HECW2: variants seen among roughly 807,000 people sequenced by gnomAD.
The protein encoded by HECW2 is E3 ubiquitin-protein ligase HECW2.
Under a neutral mutation model 175.2 loss-of-function variants are expected in HECW2, and 61 were observed. That is an observed-to-expected ratio of 0.35 (90% CI 0.28 to 0.43). The LOEUF is 0.43. HECW2 is among the 20% of genes least tolerant of loss of function. The probability of loss-of-function intolerance (pLI) is 1.00; values close to 1 mark genes in which losing one functional copy is unlikely to be tolerated. For synonymous variants in HECW2, 671 were observed against 731.0 expected, an observed-to-expected ratio of 0.92 and a Z score of 1.32; for missense variants, 1,524 against 2,000.5, an observed-to-expected ratio of 0.76 and a Z score of 4.54.
chr2:196,246,934 G>A (rs953930069), intron 19 of HECW2, among the ~76,000 whole-genome samples: 1 of 152,140 alleles, frequency 6.6e-6, no homozygotes, highest in Non-Finnish European at 1.5e-5. Context: ...GTTCCATCAT[G>A]AAAGAAGTCA....
rs189316520 is a variant in HECW2 at position 196,238,269 on chromosome 2, C to T, written c.3764+2180G>A. Among the ~76,000 whole-genome samples the T allele has an allele frequency of 1.4e-4, 22 of 152,126 alleles. No individual in the cohort carries two copies. The East Asian group carries it at 1.7e-3, about 12-fold the overall frequency. On this transcript the variant is annotated intron_variant, in intron 21 of 28. Coordinates refer to ENST00000644978, the MANE Select transcript of HECW2 (RefSeq NM_001348768.2). ...ACAAAACAAAAAAACAGAAAACCTC[C>T]AGCTCCATTTTTATAGTTCAATGGA...
At chr2:196,391,937 T>C (rs1387229326) in intron 2 of HECW2, among the ~76,000 whole-genome samples, 1 of 152,184 alleles carries the variant, frequency 6.6e-6, no homozygotes, top group Non-Finnish European at 1.5e-5. Flanking sequence ...CTCTGTGTCT[T>C]TCTCTTATCC....
intron 2 of HECW2, among the ~76,000 whole-genome samples, chr2:196,385,761 T>C (rs1030338098): frequency 6.6e-6 from 1 of 152,226 alleles, no homozygotes; most frequent in African/African-American, 2.4e-5. Flanking sequence ...TAAATGCAAA[T>C]ATAACTTGTC....
intron 1 of HECW2, among the ~76,000 whole-genome samples, chr2:196,552,361 T>C (rs888844020): frequency 6.6e-6 from 1 of 152,204 alleles, no homozygotes; most frequent in African/African-American, 2.4e-5. Context: ...TTCTAAGTTT[T>C]CTCCTGGAAG....
rs1260355252 is a variant in HECW2 at position 196,197,100 on chromosome 2, A to G, written c.*4177T>C. On this transcript the variant is annotated 3_prime_UTR_variant, in exon 29 of 29. Transcript: ENST00000644978. ...TCTCAAACAAACAAACAAAGAAAGCAAAAGGCCCTGAAACTGAGACTCAGT... is the reference window on the plus strand; with the variant it reads ...TCTCAAACAAACAAACAAAGAAAGCGAAAGGCCCTGAAACTGAGACTCAGT... The G allele has an allele frequency of 6.6e-6, 1 of 152,142 alleles. No individual in the cohort carries two copies. Among genetic ancestry groups the G allele is most frequent in the East Asian group, 1.9e-4 (1 of 5,196 alleles). 9.4% of individuals were successfully genotyped at this position (152,142 alleles called of 1,614,324 possible). A position where few individuals can be genotyped will look rare whatever the true frequency, so the allele number is the denominator to read the frequency against.
intron 9 of HECW2, among the ~76,000 whole-genome samples, chr2:196,317,641 C>T (rs376902985): frequency 2.3e-4 from 35 of 151,198 alleles, no homozygotes; most frequent in African/African-American, 7.3e-4. Context: ...CCTGGTCATG[C>T]GCTAATGCTT....
chr2:196,211,461 A>G (rs1045773682), intron 28 of HECW2, among the ~76,000 whole-genome samples: 8 of 152,110 alleles, frequency 5.3e-5, no homozygotes, highest in South Asian at 2.1e-4. Flanking sequence ...CTCCATGGAG[A>G]CACCCTTCTG....
At position 196,306,636 on chromosome 2, in the gene HECW2, C is replaced by T. The variant is rs748628352; in HGVS notation, c.2690-24G>A. ...ATCTAGATGGGGCAGACCACAGAGG[C>T]GGTCAGGGAAATCTTTCTATGATGT... On this transcript the variant is annotated intron_variant, in intron 12 of 28. Coordinates refer to ENST00000644978, the MANE Select transcript of HECW2 (RefSeq NM_001348768.2). 3.8e-6 allele frequency: 6 copies of T among 1,582,968 alleles called. No individual in the cohort carries two copies. In the East Asian group the frequency reaches 9.1e-5, roughly 24 times the overall value.
rs199714704 is a variant in HECW2 at position 196,218,633 on chromosome 2, T to TG, written c.4408+1405dup. Reference sequence around the variant, plus strand: ...TTCGAGACCAGACTGGCCAACATGGTGAAACCCCATCTCTACTAAAAATAC... The same window carrying TG: ...TTCGAGACCAGACTGGCCAACATGGTGGAAACCCCATCTCTACTAAAAATAC... On this transcript the variant is annotated intron_variant, in intron 26 of 28. Transcript: ENST00000644978. Among the ~76,000 whole-genome samples, 35 of 152,070 alleles carry TG rather than the reference T, an allele frequency of 2.3e-4. 1 individual carries two copies. In the East Asian group the frequency reaches 6.8e-3, roughly 29 times the overall value.
intron 16 of HECW2, among the ~76,000 whole-genome samples, chr2:196,273,030 T>G (rs1333545001): frequency 6.7e-6 from 1 of 148,318 alleles, no homozygotes; most frequent in Non-Finnish European, 1.5e-5. Context: ...AAAACAAAGA[T>G]AAATGGAGAG....
chr2:196,541,817 C>A (rs1689225577), intron 1 of HECW2, among the ~76,000 whole-genome samples: 1 of 151,846 alleles, frequency 6.6e-6, no homozygotes, highest in African/African-American at 2.4e-5. Flanking sequence ...CTCCTTCCAA[C>A]ACCTGAAGAT....
chr2:196,221,863 A>G (rs74720011), intron 24 of HECW2, among the ~76,000 whole-genome samples: 11,617 of 152,218 alleles, frequency 0.076, 1,516 homozygotes, highest in African/African-American at 0.26. Context: ...CCCAGCCACC[A>G]TTCTATAAAT....
At chr2:196,339,639 A>C (rs1317222474) in intron 3 of HECW2, among the ~76,000 whole-genome samples, 1 of 152,202 alleles carries the variant, frequency 6.6e-6, no homozygotes, top group African/African-American at 2.4e-5. Context: ...GAAGAACAGA[A>C]AGCAAATATG....
At chr2:196,506,350 C>T (rs1184156456) in intron 1 of HECW2, among the ~76,000 whole-genome samples, 9 of 152,110 alleles carry the variant, frequency 5.9e-5, no homozygotes, top group Admixed American at 4.6e-4. Flanking sequence ...ACGGTCACTT[C>T]GCAGAATCAA....
chr2:196,292,820 T>A, intron 13 of HECW2, 70 bp from the exon 14 acceptor site: 2 of 1,178,152 alleles, frequency 1.7e-6, no homozygotes. Context: ...ATACTACACA[T>A]GGGTATGGCT....
At chr2:196,271,321 A>T (rs768379406) in intron 16 of HECW2, 32 bp from the exon 17 acceptor site, 5 of 1,453,390 alleles carry the variant, frequency 3.4e-6, no homozygotes, top group Non-Finnish European at 2.9e-6. Context: ...ACAACAATTT[A>T]AAAAAGAATC....
chr2:196,569,375 A>ACT (rs1315590934), intron 1 of HECW2, among the ~76,000 whole-genome samples: 58 of 152,094 alleles, frequency 3.8e-4, no homozygotes, highest in African/African-American at 1.1e-3. Flanking sequence ...ACTAAACTAA[A>ACT]ATAAAATAAA....
chr2:196,241,099 G>A (rs980129213), intron 20 of HECW2, among the ~76,000 whole-genome samples: 1 of 152,118 alleles, frequency 6.6e-6, no homozygotes, highest in Non-Finnish European at 1.5e-5. Context: ...AGTCCCTAAG[G>A]GACAGATACA....
intron 17 of HECW2, among the ~76,000 whole-genome samples, chr2:196,265,834 T>A (rs1050370349): frequency 6.6e-6 from 1 of 152,204 alleles, no homozygotes; most frequent in Non-Finnish European, 1.5e-5. Context: ...TTGGAGGTTG[T>A]TTAATGTCTC....
Sources: allele counts gnomAD v4.1 joint callset (sites outside exome capture counted in the v4.1 genomes callset), GRCh38; gene constraint gnomAD v4.1.1; transcripts MANE v1.5; gene names NCBI Gene and HGNC (gene_info 2026-07-23, HGNC 2026-07-21).